The following NUGGC variants were observed in gnomAD, a reference collection of about 807,000 sequenced individuals.
NUGGC encodes nuclear GTPase SLIP-GC.
A neutral mutation model predicts 92.6 loss-of-function variants in NUGGC; 58 were observed. The observed-to-expected ratio is 0.63, with a 90% confidence interval of 0.51 to 0.78. NUGGC has a LOEUF of 0.78. Ranked by LOEUF, NUGGC falls within the 30% of genes least tolerant of loss-of-function variation. The pLI is 0.00. For missense variants in NUGGC, 925 were observed against 964.6 expected, an observed-to-expected ratio of 0.96 and a Z score of 0.54; for synonymous variants, 376 against 366.4, an observed-to-expected ratio of 1.03 and a Z score of -0.30.
chr8:28,066,004 T>A (rs56969377), intron 6 of NUGGC, among the ~76,000 whole-genome samples: 110,165 of 151,550 alleles, frequency 0.73, 40,440 homozygotes, highest in South Asian at 0.86. Context: ...TAGAAGGCCT[T>A]GATTCTAGGA....
intron 10 of NUGGC, among the ~76,000 whole-genome samples, chr8:28,051,910 GAAACA>G (rs562620245): frequency 5.4e-5 from 8 of 149,514 alleles, no homozygotes; most frequent in South Asian, 2.1e-4. Context: ...CAACAGGAGC[GAAACA>G]AAACAAAACA....
intron 1 of NUGGC, among the ~76,000 whole-genome samples, chr8:28,082,389 T>C (rs1810871946): frequency 6.6e-6 from 1 of 152,216 alleles, no homozygotes; most frequent in South Asian, 2.1e-4. Context: ...TTGAATCTTC[T>C]CATATTGCTC....
chr8:28,040,982 T>A, intron 13 of NUGGC, 69 bp downstream of exon 13: 8 of 1,442,830 alleles, frequency 5.5e-6, no homozygotes, highest in Non-Finnish European at 7.6e-6. Flanking sequence ...AATGGGATGA[T>A]GCAAAAGAAG....
At position 28,068,698 on chromosome 8, in the gene NUGGC, T is replaced by C. The variant is rs562531278; in HGVS notation, c.258-260A>G. 3.3e-5 allele frequency among the ~76,000 whole-genome samples: 5 copies of C among 152,156 alleles called. No individual in the cohort carries two copies. The South Asian group carries it at 1.0e-3, about 32-fold the overall frequency. On this transcript the variant is annotated intron_variant, in intron 4 of 18. Coordinates refer to ENST00000413272, the MANE Select transcript of NUGGC (RefSeq NM_001010906.2). The stretch of plus-strand genomic sequence containing the variant: ...GTAATGTCTATATAGATGTGAGGTG[T>C]CTTTATTTGTATTCACTGGAAATTG...
intron 7 of NUGGC, among the ~76,000 whole-genome samples, chr8:28,062,883 G>C (rs1810340697): frequency 6.6e-6 from 1 of 152,208 alleles, no homozygotes; most frequent in Non-Finnish European, 1.5e-5. Flanking sequence ...CCAGGGTTTG[G>C]TAAAGTTAGT....
Position 28,070,235 on chromosome 8 carries a change from A to G in NUGGC, c.148+17T>C. On this transcript the variant is annotated intron_variant, in intron 3 of 18. Coordinates refer to ENST00000413272, the MANE Select transcript of NUGGC (RefSeq NM_001010906.2). ...CAGAACCGAACCATGTTAAAACAAC[A>G]GTTCCAAGACACTCACATTCCTTAA... 1.3e-6 allele frequency: 2 copies of G among 1,530,220 alleles called. No homozygotes were observed. Among genetic ancestry groups the G allele is most frequent in the Non-Finnish European group, 1.8e-6 (2 of 1,129,290 alleles). The allele number at this position is 1,530,220 out of a possible 1,614,324, so 94.8% of individuals were successfully genotyped here.
In NUGGC at chr8:28,069,560, C is replaced by T; in HGVS notation, c.241G>A (p.Gly81Arg). The change falls in exon 4 of 19, where the codon GGA (glycine) becomes AGA (arginine). Residue 81 changes from glycine (G) to arginine (R), a missense_variant. By Grantham distance (125) the Gly-to-Arg change is moderately radical (BLOSUM62 -2). Coordinates refer to ENST00000413272, the MANE Select transcript of NUGGC (RefSeq NM_001010906.2). ...CAGACTCACATGAGATACTTGACTC[C>T]ATTAGGGATGCTGTCATCCAGGAAG... ...SVFLDDSIPN[G>R]VKYLINRLLA... is the part of the protein sequence containing the mutation. 1 of 1,582,976 alleles carries T rather than the reference C, an allele frequency of 6.3e-7. No individual in the cohort carries two copies. The highest frequency in any genetic ancestry group is 1.1e-5 in the South Asian group (1 of 90,266).
Position 28,045,644 on chromosome 8 carries a change from T to C in NUGGC, c.1329A>G (p.Arg443=), listed in dbSNP as rs1809813156. The part of the protein sequence containing the change: ...TEEETEIPKL[R]EYIRKSLLDK... ...CCAAGAGGCTCTTCCTGATGTATTC[T>C]CTTAACTTAGGGATTTCTGGAATTC... The change falls in exon 12 of 19, where the codon AGA becomes AGG. Residue 443 remains arginine, a synonymous_variant. Transcript: ENST00000413272. 6.2e-7 allele frequency: 1 copy of C among 1,611,410 alleles called. No individual in the cohort carries two copies. The highest frequency in any genetic ancestry group is 1.1e-5 in the South Asian group (1 of 90,400).
At chr8:28,076,081 C>T (rs755107635) in intron 1 of NUGGC, among the ~76,000 whole-genome samples, 1 of 152,206 alleles carries the variant, frequency 6.6e-6, no homozygotes, top group Non-Finnish European at 1.5e-5. Flanking sequence ...TCCATACACA[C>T]CTGTGTTATA....
At chr8:28,041,686 G>A (rs1282149961) in intron 12 of NUGGC, among the ~76,000 whole-genome samples, 1 of 152,120 alleles carries the variant, frequency 6.6e-6, no homozygotes, top group Non-Finnish European at 1.5e-5. Flanking sequence ...TGAAATCCAA[G>A]GTCCTGGGAT....
rs750712933 is a variant in NUGGC, at chr8:28,068,366, C to T, written c.330G>A (p.Gly110=). The change falls in exon 5 of 19, where the codon GGG becomes GGA. Residue 110 remains glycine, a synonymous_variant. Transcript: ENST00000413272. ...CATTGATCAGGGAGCTCTTCCCAGC[C>T]CCAGTGCTTCCAAATAATGCAATGT... ...PIYIALFGST[G]AGKSSLINAI... is the part of the protein sequence containing the mutation. The T allele has an allele frequency of 1.9e-6, 3 of 1,580,602 alleles. No homozygotes were observed. The highest frequency in any genetic ancestry group is 2.6e-6 in the Non-Finnish European group (3 of 1,162,566).
chr8:28,057,230 A>G (rs1003041529), intron 9 of NUGGC, among the ~76,000 whole-genome samples: 2 of 151,800 alleles, frequency 1.3e-5, no homozygotes, highest in African/African-American at 4.8e-5. Context: ...GTCATTTCAG[A>G]TGTACGATTC....
chr8:28,024,984 C>T (rs934033288), intron 18 of NUGGC, among the ~76,000 whole-genome samples: 8 of 152,190 alleles, frequency 5.3e-5, no homozygotes, highest in African/African-American at 1.9e-4. Flanking sequence ...CACCCTGTCC[C>T]GTACCTCAGC....
chr8:28,064,779 T>G, intron 6 of NUGGC, 48 bp from the exon 7 acceptor site: 12 of 1,523,852 alleles, frequency 7.9e-6, no homozygotes, highest in Non-Finnish European at 1.0e-5. Flanking sequence ...CACCCAGCTC[T>G]GTTCACCCCG....
At chr8:28,050,393 G>T (rs967015726) in intron 10 of NUGGC, among the ~76,000 whole-genome samples, 12 of 143,640 alleles carry the variant, frequency 8.4e-5, no homozygotes, top group Non-Finnish European at 1.8e-4. Context: ...TAAAAAAAAA[G>T]AAAAAAGGAA....
At chr8:28,052,223 G>C (rs900575151) in intron 10 of NUGGC, among the ~76,000 whole-genome samples, 6 of 152,176 alleles carry the variant, frequency 3.9e-5, no homozygotes, top group Admixed American at 3.3e-4. Flanking sequence ...GAGGCACATT[G>C]TTTCCCCGTT....
At chr8:28,035,200 A>T (rs1394970542) in intron 13 of NUGGC, among the ~76,000 whole-genome samples, 1 of 152,088 alleles carries the variant, frequency 6.6e-6, no homozygotes, top group Non-Finnish European at 1.5e-5. Flanking sequence ...TCACTCATTC[A>T]CTTTCTGTGA....
chr8:28,032,598 G>A (rs1360846572), intron 14 of NUGGC, among the ~76,000 whole-genome samples: 2 of 151,702 alleles, frequency 1.3e-5, no homozygotes, highest in Non-Finnish European at 2.9e-5. Flanking sequence ...GGTGCCTATA[G>A]TCCCAGCTAC....
intron 6 of NUGGC, among the ~76,000 whole-genome samples, chr8:28,065,374 A>G (rs1166222902): frequency 1.3e-5 from 2 of 152,126 alleles, no homozygotes; most frequent in African/African-American, 2.4e-5. Context: ...GTTAGCCAGG[A>G]TGGGGTCGAT....
Sources: gnomAD v4.1 joint callset for allele counts (sites outside exome capture counted in the v4.1 genomes callset) on GRCh38, gnomAD v4.1.1 for gene constraint, MANE v1.5 for transcripts, NCBI Gene and HGNC (gene_info 2026-07-23, HGNC 2026-07-21) for gene names.